The following SNX25 variants were observed in gnomAD, a reference collection of about 807,000 sequenced individuals.
SNX25 encodes sorting nexin-25.
A neutral mutation model predicts 113.7 loss-of-function variants in SNX25; 62 were observed. The observed-to-expected ratio is 0.55, with a 90% CI of 0.44 to 0.67. SNX25 has a LOEUF of 0.67. SNX25 is among the 30% of genes least tolerant of loss of function. SNX25 has a pLI of 0.00. For synonymous variants in SNX25, 421 were observed against 436.2 expected (o/e 0.97, Z 0.43); for missense variants, 1,014 against 1,161.0 (o/e 0.87, Z 1.84).
chr4:185,318,344 T>A (rs1486444064), intron 7 of SNX25, among the ~76,000 whole-genome samples: 1 of 152,240 alleles, frequency 6.6e-6, no homozygotes, highest in Non-Finnish European at 1.5e-5. Context: ...TTTTCCTAAT[T>A]CATTGTCACG....
chr4:185,256,733 C>T (rs1297999270), intron 2 of SNX25, among the ~76,000 whole-genome samples: 1 of 151,436 alleles, frequency 6.6e-6, no homozygotes, highest in Non-Finnish European at 1.5e-5. Flanking sequence ...TCAAATGATC[C>T]TCCCACCTCA....
chr4:185,353,488 G>A lies in SNX25; in HGVS notation c.2470G>A (p.Glu824Lys), dbSNP rs765365834. ...PRDFFSHQEEETEEDSDLSDY... is the reference protein window; with the variant it reads ...PRDFFSHQEEKTEEDSDLSDY... ...TATGACTTTGCTGTATTCCCAGGAG[G>A]AGACAGAGGAGGACAGTGACCTGTC... The change falls in exon 15 of 19, where the codon GAG (glutamate) becomes AAG (lysine). Residue 824 changes from glutamate (E) to lysine (K), a missense_variant. Glu to Lys is a moderately conservative substitution (Grantham distance 56, BLOSUM62 1). Coordinates refer to ENST00000652585, the MANE Select transcript of SNX25 (RefSeq NM_001378034.2). The A allele has an allele frequency of 6.2e-7, 1 of 1,612,818 alleles. No individual in the cohort carries two copies. Among genetic ancestry groups the A allele is most frequent in the South Asian group, 1.1e-5 (1 of 90,982 alleles).
chr4:185,370,236 A>G (rs1354795596), downstream of SNX25: 2 of 161,702 alleles, frequency 1.2e-5, no homozygotes, highest in Admixed American at 6.0e-5. Flanking sequence ...ATCCCGCCTA[A>G]GTGGGGTAGA....
chr4:185,302,912 C>T (rs1241038889), intron 6 of SNX25, among the ~76,000 whole-genome samples: 2 of 152,228 alleles, frequency 1.3e-5, no homozygotes, highest in Non-Finnish European at 2.9e-5. Flanking sequence ...CATTCCCTGC[C>T]TGAAGGTCTG....
chr4:185,319,118 G>T (rs2095098972), intron 7 of SNX25, among the ~76,000 whole-genome samples: 1 of 143,728 alleles, frequency 7.0e-6, no homozygotes, highest in Admixed American at 7.0e-5. Context: ...TTTTTTAAAG[G>T]ACATATCATA....
At chr4:185,325,327 T>G (rs925575727) in intron 9 of SNX25, among the ~76,000 whole-genome samples, 1 of 151,422 alleles carries the variant, frequency 6.6e-6, no homozygotes, top group African/African-American at 2.4e-5. Context: ...AGGTCAGGAG[T>G]TTGAGACCAG....
At chr4:185,315,833 AT>A (rs1038293301) in intron 7 of SNX25, among the ~76,000 whole-genome samples, 22 of 152,326 alleles carry the variant, frequency 1.4e-4, no homozygotes, top group African/African-American at 5.3e-4. Flanking sequence ...CAAAGATAAC[AT>A]CAGTATATGT....
chr4:185,303,867 A>G (rs1189986884), intron 6 of SNX25, among the ~76,000 whole-genome samples: 2 of 152,182 alleles, frequency 1.3e-5, no homozygotes, highest in African/African-American at 4.8e-5. Flanking sequence ...AGGTGTTTAG[A>G]GTGGTAAGAG....
Position 185,340,543 on chromosome 4 carries a change from A to C in SNX25, c.2046+1033A>C, listed in dbSNP as rs149270264. 1.5e-3 allele frequency among the ~76,000 whole-genome samples: 230 copies of C among 152,260 alleles called. 1 individual carries two copies. Among genetic ancestry groups the C allele is most frequent in the African/African-American group, 5.4e-3 (223 of 41,570 alleles). On this transcript the variant is annotated intron_variant, in intron 11 of 18. Transcript: ENST00000652585. ...CTCAGACTCCCACATAGAAACCCTC[A>C]GTAACTGCAGATAGTTACTGTTTGG...
At position 185,258,958 on chromosome 4, in the gene SNX25, C is replaced by G. The variant is rs746204537; in HGVS notation, c.625C>G (p.Gln209Glu). 29 of 1,614,066 alleles carry G rather than the reference C, an allele frequency of 1.8e-5. No homozygotes were observed. Among genetic ancestry groups the G allele is most frequent in the South Asian group, 1.3e-4 (12 of 91,092 alleles). Residue 209 changes from glutamine (Q) to glutamate (E), a missense_variant, in exon 3 of 19, where the codon CAG becomes GAG. Gln to Glu is a conservative substitution (Grantham distance 29). Transcript: ENST00000652585. ...LLEDFWEIAR[Q>E]LHHRLSHVDV... ...GGAAGACTTTTGGGAAATTGCCAGA[C>G]AGCTGCACCACAGACTGAGTCACGT...
intron 12 of SNX25, among the ~76,000 whole-genome samples, chr4:185,345,182 T>C (rs1191978864): frequency 6.6e-6 from 1 of 152,218 alleles, no homozygotes; most frequent in Non-Finnish European, 1.5e-5. Context: ...TCCTCGTCTG[T>C]GGACTGATGG....
chr4:185,263,793 A>C (rs1382129958), intron 3 of SNX25, among the ~76,000 whole-genome samples: 1 of 152,176 alleles, frequency 6.6e-6, no homozygotes, highest in East Asian at 1.9e-4. Context: ...CACTATCAAG[A>C]TACTATGGGA....
downstream of SNX25, among the ~76,000 whole-genome samples, chr4:185,368,646 A>C (rs557400893): frequency 1.7e-4 from 26 of 152,322 alleles, no homozygotes; most frequent in Admixed American, 3.9e-4. Context: ...CCATTTTATC[A>C]GTATCCCCAT....
At chr4:185,339,785 TA>T (rs1289169928) in intron 11 of SNX25, among the ~76,000 whole-genome samples, 1 of 152,218 alleles carries the variant, frequency 6.6e-6, no homozygotes, top group African/African-American at 2.4e-5. Flanking sequence ...GTCCTTGAAT[TA>T]CCAATTTATT....
chr4:185,306,113 G>A (rs1323171369), intron 6 of SNX25, among the ~76,000 whole-genome samples: 5 of 152,156 alleles, frequency 3.3e-5, no homozygotes, highest in Non-Finnish European at 5.9e-5. Context: ...ACACCCACTC[G>A]CCTATACTTT....
chr4:185,260,369 T>C (rs1747120470), intron 3 of SNX25, among the ~76,000 whole-genome samples: 1 of 152,168 alleles, frequency 6.6e-6, no homozygotes, highest in Non-Finnish European at 1.5e-5. Flanking sequence ...AGTGGCGAGC[T>C]GGAGCTGGCT....
chr4:185,234,240 T>TGAAGATTTTGCC lies in SNX25; in HGVS notation c.430-13054_430-13053insGAAGATTTTGCC, dbSNP rs1280157604. Among the ~76,000 whole-genome samples, 10 of 152,280 alleles carry TGAAGATTTTGCC rather than the reference T, an allele frequency of 6.6e-5. No individual in the cohort carries two copies. In the South Asian group the frequency reaches 2.1e-3, roughly 32 times the overall value. ...GATTTTGCCTTTGTGTTAATACTTA[T>TGAAGATTTTGCC]TTTTCTTTTAGAAAGCAGGTTATTC... On this transcript the variant is annotated intron_variant, in intron 1 of 18. Coordinates refer to ENST00000652585, the MANE Select transcript of SNX25 (RefSeq NM_001378034.2).
intron 1 of SNX25, among the ~76,000 whole-genome samples, chr4:185,234,262 A>C (rs117833526): frequency 6.6e-6 from 1 of 152,222 alleles, no homozygotes; most frequent in East Asian, 1.9e-4. Flanking sequence ...AAAGCAGGTT[A>C]TTCACCAGGA....
rs974234826 is a variant in SNX25, at chr4:185,353,830, A to G, written c.2584+228A>G. On this transcript the variant is annotated intron_variant, in intron 15 of 18. Transcript: ENST00000652585. ...GGAGGCCAAGGCGGGTGGATCATGA[A>G]GTCAAGAGATCAAGACCATCCTGAC... Among the ~76,000 whole-genome samples, 10 of 152,170 alleles carry G rather than the reference A, an allele frequency of 6.6e-5. No individual in the cohort carries two copies. The South Asian group carries it at 1.7e-3, about 25-fold the overall frequency.
Sources: gnomAD v4.1 joint callset for allele counts (sites outside exome capture counted in the v4.1 genomes callset) on GRCh38, gnomAD v4.1.1 for gene constraint, MANE v1.5 for transcripts, NCBI Gene and HGNC (gene_info 2026-07-23, HGNC 2026-07-21) for gene names.